The following FNDC3B variants were observed in gnomAD, a reference collection of about 807,000 sequenced individuals.
The protein encoded by FNDC3B is fibronectin type III domain-containing protein 3B.
In FNDC3B, 12 loss-of-function variants were observed where a neutral mutation model predicts 151.5. The ratio of observed to expected loss-of-function variants is 0.08; its 90% confidence interval spans 0.05 to 0.13. The LOEUF (loss-of-function observed/expected upper bound fraction) is 0.13. Among genes scored for constraint, FNDC3B ranks in the 10% least tolerant of loss-of-function variants. The pLI is 1.00. For missense variants in FNDC3B, 1,214 were observed against 1,505.3 expected (o/e 0.81, Z 3.20); for synonymous variants, 528 against 549.0 (o/e 0.96, Z 0.54).
intron 21 of FNDC3B, among the ~76,000 whole-genome samples, chr3:172,351,411 G>C (rs1733844838): frequency 6.6e-6 from 1 of 152,218 alleles, no homozygotes; most frequent in South Asian, 2.1e-4. Context: ...AGCTGGAGCA[G>C]AGTCAGTAAA....
chr3:172,315,195 G>A (rs915414782), intron 11 of FNDC3B, among the ~76,000 whole-genome samples: 1 of 152,112 alleles, frequency 6.6e-6, no homozygotes, highest in African/African-American at 2.4e-5. Flanking sequence ...TGGGCAACAC[G>A]GTGAAACCTC....
At chr3:172,159,299 G>T (rs967111741) in intron 3 of FNDC3B, among the ~76,000 whole-genome samples, 3 of 152,042 alleles carry the variant, frequency 2.0e-5, no homozygotes, top group Non-Finnish European at 4.4e-5. Flanking sequence ...AATTATTTGG[G>T]TATATTGGTG....
chr3:172,298,889 C>A (rs1283613086), intron 9 of FNDC3B, 102 bp downstream of exon 9: 2 of 765,172 alleles, frequency 2.6e-6, no homozygotes, highest in East Asian at 2.8e-5. Flanking sequence ...GCTTACCTTG[C>A]TGAAAGTTGT....
chr3:172,190,385 G>A (rs1724443430), intron 3 of FNDC3B, among the ~76,000 whole-genome samples: 1 of 152,170 alleles, frequency 6.6e-6, no homozygotes, highest in South Asian at 2.1e-4. Flanking sequence ...AGCTATGGGA[G>A]TTATCAGAAG....
chr3:172,153,344 C>T (rs972112416), intron 3 of FNDC3B, among the ~76,000 whole-genome samples: 5 of 152,132 alleles, frequency 3.3e-5, no homozygotes, highest in Admixed American at 1.3e-4. Context: ...GCTCAGAGGC[C>T]AGCCTTTTTT....
chr3:172,095,632 C>T (rs890013464), intron 1 of FNDC3B, among the ~76,000 whole-genome samples: 2 of 152,204 alleles, frequency 1.3e-5, no homozygotes, highest in South Asian at 4.1e-4. Context: ...CCTTAAGATG[C>T]TCTTTGTTCT....
At chr3:172,221,577 G>GT (rs1560024864) in intron 3 of FNDC3B, among the ~76,000 whole-genome samples, 1 of 152,160 alleles carries the variant, frequency 6.6e-6, no homozygotes, top group Non-Finnish European at 1.5e-5. Context: ...GCACACTGAA[G>GT]TTGAAGAACC....
At position 172,145,310 on chromosome 3, in the gene FNDC3B, AAAG is replaced by A. The variant is rs561548590; in HGVS notation, c.187+11766_187+11768del. On this transcript the variant is annotated intron_variant, in intron 3 of 25. Transcript: ENST00000415807. ...AGGGAGAAGTCTTTGGGAGTAAAAA[AAAG>A]AGTGGAAACTTAAATCAAAATATAA... 2.0e-3 allele frequency among the ~76,000 whole-genome samples: 299 copies of A among 152,354 alleles called. 2 individuals carry two copies. The highest frequency in any genetic ancestry group is 4.2e-3 in the Admixed American group (64 of 15,302).
chr3:172,383,192 G>T (rs1735546242), intron 25 of FNDC3B, among the ~76,000 whole-genome samples: 1 of 152,162 alleles, frequency 6.6e-6, no homozygotes, highest in South Asian at 2.1e-4. Context: ...CACATCCCTT[G>T]TAAGTTGTAT....
intron 14 of FNDC3B, among the ~76,000 whole-genome samples, chr3:172,333,875 T>A (rs1732815594): frequency 6.6e-6 from 1 of 152,182 alleles, no homozygotes; most frequent in South Asian, 2.1e-4. Context: ...GCTTGTAATT[T>A]TCTCTTCCAT....
chr3:172,178,503 T>C (rs939140442), intron 3 of FNDC3B, among the ~76,000 whole-genome samples: 1 of 152,228 alleles, frequency 6.6e-6, no homozygotes, highest in Non-Finnish European at 1.5e-5. Context: ...TCAATACTTA[T>C]GCTTTTTCTT....
intron 11 of FNDC3B, 96 bp downstream of exon 11, chr3:172,310,977 A>G: frequency 1.1e-6 from 1 of 895,114 alleles, no homozygotes; most frequent in Non-Finnish European, 1.8e-6. Flanking sequence ...GACATGCTAA[A>G]CACAGAAAAA....
chr3:172,096,704 A>G (rs975952400), intron 1 of FNDC3B, among the ~76,000 whole-genome samples: 3 of 152,226 alleles, frequency 2.0e-5, no homozygotes, highest in African/African-American at 7.2e-5. Context: ...GATTGAGAGG[A>G]AATACATCAT....
At chr3:172,172,414 T>G (rs1723329421) in intron 3 of FNDC3B, among the ~76,000 whole-genome samples, 1 of 152,216 alleles carries the variant, frequency 6.6e-6, no homozygotes. Context: ...GATTTCAATT[T>G]CTGGGTTATT....
chr3:172,203,389 C>T (rs979685078), intron 3 of FNDC3B, among the ~76,000 whole-genome samples: 4 of 152,172 alleles, frequency 2.6e-5, no homozygotes, highest in African/African-American at 7.2e-5. Flanking sequence ...GACAGGACAT[C>T]GGTTTGTCTT....
intron 1 of FNDC3B, among the ~76,000 whole-genome samples, chr3:172,096,101 A>G (rs1323408672): frequency 2.0e-5 from 3 of 152,198 alleles, no homozygotes; most frequent in Non-Finnish European, 4.4e-5. Context: ...TAACAATACA[A>G]CCTAGATGCT....
intron 3 of FNDC3B, among the ~76,000 whole-genome samples, chr3:172,222,621 C>T (rs1451146197): frequency 6.6e-6 from 1 of 152,148 alleles, no homozygotes; most frequent in Non-Finnish European, 1.5e-5. Context: ...GTTAGATTCT[C>T]ATAAGGAGCA....
chr3:172,284,355 G>A (rs1007223956), intron 6 of FNDC3B, among the ~76,000 whole-genome samples: 2 of 152,072 alleles, frequency 1.3e-5, no homozygotes, highest in African/African-American at 2.4e-5. Flanking sequence ...GATTCTTTAG[G>A]AAAAAATTTG....
At chr3:172,286,698 T>C (rs907091692) in intron 7 of FNDC3B, among the ~76,000 whole-genome samples, 16 of 152,194 alleles carry the variant, frequency 1.1e-4, no homozygotes, top group Admixed American at 6.5e-4. Flanking sequence ...ACAGGCATAA[T>C]AAGGCACTTG....
Sources: gnomAD v4.1 joint callset for allele counts (sites outside exome capture counted in the v4.1 genomes callset) on GRCh38, gnomAD v4.1.1 for gene constraint, MANE v1.5 for transcripts, NCBI Gene and HGNC (gene_info 2026-07-23, HGNC 2026-07-21) for gene names.